Variants in ADGRD1 observed in about 807,000 individuals in gnomAD.
ADGRD1 encodes the protein G-protein coupled receptor 133.
Under a neutral mutation model 113.4 loss-of-function variants are expected in ADGRD1, and 77 were observed. The ratio of observed to expected loss-of-function variants is 0.68; its 90% CI spans 0.57 to 0.82. The LOEUF is 0.82. Ranked by LOEUF, ADGRD1 falls within the 40% of genes least tolerant of loss-of-function variation. The pLI is 0.00. For synonymous variants in ADGRD1, 474 were observed against 475.0 expected, an observed-to-expected ratio of 1.00 and a Z score of 0.03; for missense variants, 1,036 against 1,139.1, an observed-to-expected ratio of 0.91 and a Z score of 1.30.
intron 18 of ADGRD1, among the ~76,000 whole-genome samples, chr12:131,117,442 G>A (rs866316853): frequency 4.6e-5 from 7 of 152,160 alleles, no homozygotes; most frequent in South Asian, 2.1e-4. Context: ...TTCTTTTTCC[G>A]TCTCTCAGAT....
At chr12:131,136,856 C>T in intron 22 of ADGRD1, 117 bp from the exon 23 acceptor site, 1 of 846,208 alleles carries the variant, frequency 1.2e-6, no homozygotes, top group South Asian at 1.4e-5. Flanking sequence ...GGTCATGGGA[C>T]CTGGTGTCAC....
At chr12:131,104,766 T>A in intron 15 of ADGRD1, 65 bp from the exon 16 acceptor site, 3 of 1,163,790 alleles carry the variant, frequency 2.6e-6, no homozygotes, top group Non-Finnish European at 3.7e-6. Flanking sequence ...CTGGGCCCTC[T>A]GCAGCTTCAG....
chr12:131,139,293 C>A lies in ADGRD1; in HGVS notation c.*30C>A. 1 of 1,480,368 alleles carries A rather than the reference C, an allele frequency of 6.8e-7. No individual in the cohort carries two copies. The highest frequency in any genetic ancestry group is 9.3e-7 in the Non-Finnish European group (1 of 1,070,140). 91.7% of individuals were successfully genotyped at this position (1,480,368 alleles called of 1,614,324 possible). ...GGAGGCTGCCAACCAGGCCAGGCTG[C>A]GCTCAGAACACACCCCCCCAAACAG... On this transcript the variant is annotated 3_prime_UTR_variant, in exon 25 of 25. Coordinates refer to ENST00000261654, the MANE Select transcript of ADGRD1 (RefSeq NM_198827.5).
intron 13 of ADGRD1, among the ~76,000 whole-genome samples, chr12:131,045,882 A>ACCC (rs1882648463): frequency 1.3e-5 from 2 of 150,304 alleles, no homozygotes; most frequent in Non-Finnish European, 3.0e-5. Flanking sequence ...CCTTGTCCAT[A>ACCC]TCCTTCCTGG....
Position 130,984,349 on chromosome 12 carries a change from C to T in ADGRD1, c.490+2286C>T, listed in dbSNP as rs1432730129. On this transcript the variant is annotated intron_variant, in intron 5 of 24. Coordinates refer to ENST00000261654, the MANE Select transcript of ADGRD1 (RefSeq NM_198827.5). This position sits in a 1 kb window ranked among gnomAD's most constrained non-coding sequence, Gnocchi z 4.1. ...GGGGCAGCCGCCCTTCCACGCACTG[C>T]AGTCAGCACAGAAGCCACGTCCTCA... Among the ~76,000 whole-genome samples the T allele has an allele frequency of 6.6e-6, 1 of 152,222 alleles. No individual in the cohort carries two copies. The highest frequency in any genetic ancestry group is 1.5e-5 in the Non-Finnish European group (1 of 68,034).
At chr12:130,956,604 C>G (rs1365351828) in intron 2 of ADGRD1, 1 of 152,258 alleles carries the variant, frequency 6.6e-6, no homozygotes, top group East Asian at 1.9e-4. Flanking sequence ...AGAGGGGTAG[C>G]CCCTCGAACT....
rs1436578145 is a variant in ADGRD1, at chr12:130,954,684, T to C, written c.103+24T>C. The stretch of plus-strand genomic sequence containing the variant: ...AGGTAAGAGTGTTTCCTTCTCACTC[T>C]GAGCACCGCTCTCCCCCTGCCTAGT... On this transcript the variant is annotated intron_variant, in intron 2 of 24. Coordinates refer to ENST00000261654, the MANE Select transcript of ADGRD1 (RefSeq NM_198827.5). This position sits in a 1 kb window ranked among gnomAD's most constrained non-coding sequence, Gnocchi z 4.7. The C allele has an allele frequency of 4.4e-6, 7 of 1,608,406 alleles. No homozygotes were observed. Among genetic ancestry groups the C allele is most frequent in the African/African-American group, 1.3e-5 (1 of 74,932 alleles).
intron 13 of ADGRD1, among the ~76,000 whole-genome samples, chr12:131,048,531 G>A (rs1883069046): frequency 2.0e-5 from 3 of 152,200 alleles, no homozygotes; most frequent in Non-Finnish European, 2.9e-5. Flanking sequence ...CATGTGGGGC[G>A]TGGCCACCGA....
chr12:131,070,587 C>T (rs567980871), intron 13 of ADGRD1: 123 of 263,822 alleles, frequency 4.7e-4, no homozygotes, highest in African/African-American at 2.4e-3. Flanking sequence ...TGCTGCTCTG[C>T]GGGGACTCGG....
intron 8 of ADGRD1, among the ~76,000 whole-genome samples, chr12:130,996,792 C>T (rs1206057737): frequency 2.1e-5 from 2 of 96,610 alleles, no homozygotes; most frequent in South Asian, 3.6e-4. Flanking sequence ...CGGGCAGAGG[C>T]GCCCCTCACC....
chr12:131,126,543 C>A (rs988101727), intron 20 of ADGRD1, among the ~76,000 whole-genome samples: 3 of 152,180 alleles, frequency 2.0e-5, no homozygotes, highest in Non-Finnish European at 4.4e-5. Context: ...ATAGTGGTGT[C>A]CAGCTCAGTG....
intron 13 of ADGRD1, among the ~76,000 whole-genome samples, chr12:131,029,488 G>A (rs1372172295): frequency 2.4e-4 from 31 of 126,608 alleles, no homozygotes; most frequent in East Asian, 9.7e-4. Context: ...TAGGTTGTGG[G>A]ACTCTCGTAC....
Position 131,005,959 on chromosome 12 carries a change from GCT to G in ADGRD1, c.1256-6_1256-5del, listed in dbSNP as rs768236214. ...GAGCGCTGACAGCGCCTGCCCCTCTGCTCTCTCTGCAGCCTGGAGCACCGTCG... is the reference window on the plus strand; with the variant it reads ...GAGCGCTGACAGCGCCTGCCCCTCTGCTCTCTGCAGCCTGGAGCACCGTCG... On this transcript the variant is annotated splice_polypyrimidine_tract_variant and intron_variant, in intron 11 of 24. Transcript: ENST00000261654. 49 of 1,608,368 alleles carry G rather than the reference GCT, an allele frequency of 3.0e-5. 2 individuals carry two copies. The Middle Eastern group carries it at 5.0e-4, about 16-fold the overall frequency.
rs1883304655 is a variant in ADGRD1, at chr12:131,050,821, C to A, written c.1474-25980C>A. On this transcript the variant is annotated intron_variant, in intron 13 of 24. Coordinates refer to ENST00000261654, the MANE Select transcript of ADGRD1 (RefSeq NM_198827.5). This position sits in a 1 kb window ranked among gnomAD's most constrained non-coding sequence, Gnocchi z 4.8. ...TCAGGCACTAGACTCTCATGAGGAGCTTGAAACCTAGATACCTCACAAGCA... is the reference window on the plus strand; with the variant it reads ...TCAGGCACTAGACTCTCATGAGGAGATTGAAACCTAGATACCTCACAAGCA... Among the ~76,000 whole-genome samples the A allele has an allele frequency of 6.6e-6, 1 of 152,124 alleles. No individual in the cohort carries two copies. The highest frequency in any genetic ancestry group is 6.5e-5 in the Admixed American group (1 of 15,276).
intron 13 of ADGRD1, among the ~76,000 whole-genome samples, chr12:131,043,531 C>T (rs1281612907): frequency 1.3e-5 from 2 of 152,262 alleles, no homozygotes; most frequent in African/African-American, 4.8e-5. Flanking sequence ...CAGGCCTCTC[C>T]CCTGCAGGCT....
chr12:130,969,661 A>C (rs1341238022), intron 3 of ADGRD1: 1 of 152,414 alleles, frequency 6.6e-6, no homozygotes, highest in Admixed American at 6.5e-5. Context: ...TACATATTGT[A>C]ATATAATAAT....
intron 20 of ADGRD1, among the ~76,000 whole-genome samples, chr12:131,126,598 A>G (rs1341078411): frequency 1.3e-5 from 2 of 152,180 alleles, no homozygotes; most frequent in African/African-American, 4.8e-5. Context: ...CTAGGTCAAG[A>G]AACAGAACAC....
chr12:131,010,304 G>T (rs922701087), intron 12 of ADGRD1, among the ~76,000 whole-genome samples: 3 of 152,224 alleles, frequency 2.0e-5, no homozygotes, highest in African/African-American at 7.2e-5. Flanking sequence ...TGGGTGAGGG[G>T]ATTCCTTGAG....
Position 131,131,372 on chromosome 12 carries a change from G to C in ADGRD1, c.2176-353G>C, listed in dbSNP as rs571134059. On this transcript the variant is annotated intron_variant, in intron 20 of 24. Transcript: ENST00000261654. Reference sequence around the variant, plus strand: ...TGGGCACTATCCTTCTCATCACCTGGGGCACTGAGGCTCCGAGGACCTGGG... The same window carrying C: ...TGGGCACTATCCTTCTCATCACCTGCGGCACTGAGGCTCCGAGGACCTGGG... 5.3e-5 allele frequency among the ~76,000 whole-genome samples: 8 copies of C among 152,302 alleles called. No individual in the cohort carries two copies. In the South Asian group the frequency reaches 1.7e-3, roughly 32 times the overall value.
Sources: allele counts gnomAD v4.1 joint callset (sites outside exome capture counted in the v4.1 genomes callset), GRCh38; gene constraint gnomAD v4.1.1; non-coding constraint Gnocchi (gnomAD v3.1); transcripts MANE v1.5; gene names NCBI Gene and HGNC (gene_info 2026-07-23, HGNC 2026-07-21).